The following AIF1L variants were observed in gnomAD, a reference collection of about 807,000 sequenced individuals.
The protein encoded by AIF1L is allograft inflammatory factor 1-like.
AIF1L carries 12 observed loss-of-function variants against 20.7 expected under a neutral mutation model. The observed-to-expected ratio is 0.58, with a 90% CI of 0.37 to 0.94. AIF1L has a LOEUF of 0.94. Ranked by LOEUF, AIF1L falls within the 40% of genes least tolerant of loss-of-function variation. AIF1L has a pLI of 0.01. For synonymous variants in AIF1L, 76 were observed against 65.1 expected, an observed-to-expected ratio of 1.17 and a Z score of -0.81; for missense variants, 173 against 185.3, an observed-to-expected ratio of 0.93 and a Z score of 0.39.
chr9:131,114,379 G>A, intron 3 of AIF1L, 198 bp from the exon 4 acceptor site: 1 of 594,456 alleles, frequency 1.7e-6, no homozygotes, highest in Non-Finnish European at 3.1e-6. Context: ...CTCTAGGAGA[G>A]TAGTCCAGGC....
At chr9:131,112,861 G>A (rs564868432) in intron 3 of AIF1L, among the ~76,000 whole-genome samples, 20 of 152,264 alleles carry the variant, frequency 1.3e-4, no homozygotes, top group African/African-American at 4.1e-4. Flanking sequence ...TCCCAGGGGT[G>A]GCTCTGGGAG....
rs1831141848 is a variant in AIF1L at position 131,121,698 on chromosome 9, T to C, written c.*1376T>C. 1 of 152,542 alleles carries C rather than the reference T, an allele frequency of 6.6e-6. No individual in the cohort carries two copies. The highest frequency in any genetic ancestry group is 6.5e-5 in the Admixed American group (1 of 15,278). The allele number at this position is 152,542 out of a possible 1,614,324, so 9.4% of individuals were successfully genotyped here. A position where few individuals can be genotyped will look rare whatever the true frequency, so the allele number is the denominator to read the frequency against. ...AGGGAAGGGCTGGGAAGAGACAGCC[T>C]CCAAGGTCAACACTTGGAGAGGGTT... On this transcript the variant is annotated 3_prime_UTR_variant, in exon 6 of 6. Transcript: ENST00000247291.
At chr9:131,112,121 A>C in intron 3 of AIF1L, 1 of 158,604 alleles carries the variant, frequency 6.3e-6, no homozygotes, top group Admixed American at 6.1e-5. Context: ...GCCCATTGAA[A>C]CCCGGCAGCA....
chr9:131,109,546 C>T (rs923840885), intron 2 of AIF1L, among the ~76,000 whole-genome samples: 3 of 151,776 alleles, frequency 2.0e-5, no homozygotes, highest in African/African-American at 2.4e-5. Flanking sequence ...GTGACAAGAG[C>T]GAGACTCCGT....
chr9:131,118,356 A>C (rs993918686), intron 5 of AIF1L, among the ~76,000 whole-genome samples: 2 of 151,890 alleles, frequency 1.3e-5, no homozygotes, highest in African/African-American at 4.8e-5. Context: ...GCCTCCCAAA[A>C]TGTTAGGATT....
At chr9:131,099,246 A>C (rs950997520) in intron 2 of AIF1L, among the ~76,000 whole-genome samples, 2 of 152,184 alleles carry the variant, frequency 1.3e-5, no homozygotes, top group Non-Finnish European at 2.9e-5. Flanking sequence ...CTGGTTGCTC[A>C]GCCCAGCAGA....
intron 2 of AIF1L, chr9:131,106,042 C>A: frequency 1.1e-6 from 1 of 874,420 alleles, no homozygotes; most frequent in Non-Finnish European, 1.7e-6. Flanking sequence ...TGACTTCAAA[C>A]TTCTGGCCTC....
At chr9:131,097,796 C>G (rs1442378910) in intron 2 of AIF1L, among the ~76,000 whole-genome samples, 1 of 152,250 alleles carries the variant, frequency 6.6e-6, no homozygotes, top group African/African-American at 2.4e-5. Flanking sequence ...CATCTCCAAG[C>G]AGGGCATTGT....
intron 4 of AIF1L, among the ~76,000 whole-genome samples, 189 bp from the exon 5 acceptor site, chr9:131,117,567 A>G (rs932419956): frequency 6.6e-6 from 1 of 152,196 alleles, no homozygotes; most frequent in African/African-American, 2.4e-5. Flanking sequence ...CTAGAAGCCC[A>G]GGTCACTAAC....
At chr9:131,110,531 T>C (rs2133390693) in intron 2 of AIF1L, among the ~76,000 whole-genome samples, 1 of 147,740 alleles carries the variant, frequency 6.8e-6, no homozygotes, top group African/African-American at 2.5e-5. Flanking sequence ...TAAGATGGAG[T>C]CTCTCTCTGT....
intron 2 of AIF1L, chr9:131,111,359 T>C (rs530272215): frequency 1.5e-4 from 67 of 457,224 alleles, no homozygotes; most frequent in African/African-American, 1.3e-3. Flanking sequence ...GAGGGCTTAG[T>C]CACCCGTAGT....
At chr9:131,096,980 T>A (rs1830544045) in intron 2 of AIF1L, 117 bp downstream of exon 2, 2 of 1,193,142 alleles carry the variant, frequency 1.7e-6, no homozygotes, top group Non-Finnish European at 2.2e-6. Context: ...TCCCTTCCCC[T>A]GGGCTTCCCT....
chr9:131,103,102 T>A, intron 2 of AIF1L: 1 of 419,602 alleles, frequency 2.4e-6, no homozygotes, highest in South Asian at 1.7e-5. Flanking sequence ...CAGCCCCTCC[T>A]GGGCATAGCA....
intron 2 of AIF1L, among the ~76,000 whole-genome samples, chr9:131,102,381 TG>T (rs1830659028): frequency 6.6e-6 from 1 of 152,204 alleles, no homozygotes. Flanking sequence ...TTTTTTCCTA[TG>T]TACCTGGCAG....
chr9:131,116,210 G>A (rs1370259053), intron 4 of AIF1L, among the ~76,000 whole-genome samples: 2 of 151,820 alleles, frequency 1.3e-5, no homozygotes, highest in Non-Finnish European at 2.9e-5. Flanking sequence ...TGGTCAGCCC[G>A]GCCAGAAAAA....
chr9:131,121,190 A>T lies in AIF1L; in HGVS notation c.*868A>T. The T allele has an allele frequency of 1.4e-6, 1 of 697,294 alleles. No individual in the cohort carries two copies. The allele number at this position is 697,294 out of a possible 1,614,324, so 43.2% of individuals were successfully genotyped here. Reference sequence around the variant, plus strand: ...AAGTCAGCAGCACTGGTAAGCCAAGACTGAGAAATACAAGGTTGCTTGTCT... The same window carrying T: ...AAGTCAGCAGCACTGGTAAGCCAAGTCTGAGAAATACAAGGTTGCTTGTCT... On this transcript the variant is annotated 3_prime_UTR_variant, in exon 6 of 6. Coordinates refer to ENST00000247291, the MANE Select transcript of AIF1L (RefSeq NM_031426.4).
intron 2 of AIF1L, among the ~76,000 whole-genome samples, chr9:131,110,338 G>A (rs573670730): frequency 6.6e-6 from 1 of 152,212 alleles, no homozygotes; most frequent in Admixed American, 6.5e-5. Context: ...ATCTGGTCCT[G>A]AAAGGACTCA....
intron 5 of AIF1L, among the ~76,000 whole-genome samples, chr9:131,119,345 A>G (rs999820953): frequency 1.6e-4 from 25 of 152,178 alleles, no homozygotes; most frequent in African/African-American, 5.5e-4. Context: ...TACTAAAAAT[A>G]CAAAAATTAG....
chr9:131,118,877 C>A (rs353518), intron 5 of AIF1L, among the ~76,000 whole-genome samples: 116,622 of 151,994 alleles, frequency 0.77, 46,958 homozygotes, highest in Non-Finnish European at 0.88. Context: ...ACCTCCACTA[C>A]CCCCACAGGC....
Sources: gnomAD v4.1 joint callset for allele counts (sites outside exome capture counted in the v4.1 genomes callset) on GRCh38, gnomAD v4.1.1 for gene constraint, MANE v1.5 for transcripts, NCBI Gene and HGNC (gene_info 2026-07-23, HGNC 2026-07-21) for gene names.